KCTD16: variants seen among roughly 807,000 people sequenced by gnomAD.
The protein encoded by KCTD16 is potassium channel tetramerization domain containing 16.
Under a neutral mutation model 33.2 loss-of-function variants are expected in KCTD16, and 13 were observed. That is an observed-to-expected ratio of 0.39 (90% CI 0.25 to 0.62). The LOEUF (loss-of-function observed/expected upper bound fraction) is 0.62. Among genes scored for constraint, KCTD16 ranks in the 20% least tolerant of loss-of-function variants. KCTD16 has a pLI of 0.50. For missense variants in KCTD16, 441 were observed against 525.1 expected, an observed-to-expected ratio of 0.84 and a Z score of 1.57; for synonymous variants, 197 against 195.3, an observed-to-expected ratio of 1.01 and a Z score of -0.07.
At chr5:144,248,429 A>G (rs1754608088) in intron 3 of KCTD16, among the ~76,000 whole-genome samples, 1 of 152,222 alleles carries the variant, frequency 6.6e-6, no homozygotes, top group South Asian at 2.1e-4. Context: ...GTGGACAGTG[A>G]AGCAAGTGAA....
intron 3 of KCTD16, among the ~76,000 whole-genome samples, chr5:144,285,330 T>C (rs1755715342): frequency 6.6e-6 from 1 of 152,204 alleles, no homozygotes; most frequent in Admixed American, 6.5e-5. Flanking sequence ...GTATGCCATA[T>C]AGAGTAGTTG....
intron 3 of KCTD16, among the ~76,000 whole-genome samples, chr5:144,310,205 T>A (rs1468825714): frequency 6.6e-6 from 1 of 152,228 alleles, no homozygotes; most frequent in Non-Finnish European, 1.5e-5. Context: ...TCCAATTCCA[T>A]CCATGTTGCT....
At chr5:144,444,653 C>T (rs1037195784) in intron 3 of KCTD16, among the ~76,000 whole-genome samples, 9 of 151,826 alleles carry the variant, frequency 5.9e-5, no homozygotes, top group East Asian at 3.9e-4. Context: ...ATATTTTCCA[C>T]GTGATACTAC....
chr5:144,410,385 G>T (rs1366973089), intron 3 of KCTD16, among the ~76,000 whole-genome samples: 2 of 152,116 alleles, frequency 1.3e-5, no homozygotes, highest in East Asian at 3.8e-4. Context: ...GTACTGCTTT[G>T]CTATTTCATT....
rs185861584 is a variant in KCTD16 at position 144,217,661 on chromosome 5, G to T, written c.832+10115G>T. Reference sequence around the variant, plus strand: ...TTCTGTAGGCCTGTTCAGTTAAAATGGGTAGAAAATGTCATATCTGTATGC... The same window carrying T: ...TTCTGTAGGCCTGTTCAGTTAAAATTGGTAGAAAATGTCATATCTGTATGC... On this transcript the variant is annotated intron_variant, in intron 3 of 3. Transcript: ENST00000512467. Among the ~76,000 whole-genome samples the T allele has an allele frequency of 1.9e-4, 29 of 152,234 alleles. No homozygotes were observed. In the East Asian group the frequency reaches 4.6e-3, roughly 24 times the overall value.
At chr5:144,353,253 C>T (rs1027421274) in intron 3 of KCTD16, among the ~76,000 whole-genome samples, 30 of 152,282 alleles carry the variant, frequency 2.0e-4, no homozygotes, top group Admixed American at 6.5e-4. Flanking sequence ...TGTGTTGCTG[C>T]TCATTCTTCT....
chr5:144,343,503 A>G (rs2126900895), intron 3 of KCTD16, among the ~76,000 whole-genome samples: 1 of 151,594 alleles, frequency 6.6e-6, no homozygotes, highest in Non-Finnish European at 1.5e-5. Context: ...GCGGTCTATC[A>G]ATTTTGTTGA....
chr5:144,256,581 C>T (rs2126835685), intron 3 of KCTD16, among the ~76,000 whole-genome samples: 1 of 151,018 alleles, frequency 6.6e-6, no homozygotes, highest in East Asian at 1.9e-4. Context: ...AGACTAGTAG[C>T]TGATACCTCC....
At chr5:144,414,478 C>T (rs1320579215) in intron 3 of KCTD16, among the ~76,000 whole-genome samples, 3 of 152,114 alleles carry the variant, frequency 2.0e-5, no homozygotes, top group South Asian at 4.1e-4. Flanking sequence ...CAACTCAAAT[C>T]CTTACTTTAT....
Position 144,475,818 on chromosome 5 carries a change from G to A in KCTD16, c.*1704G>A, listed in dbSNP as rs1262426333. The A allele has an allele frequency of 2.0e-5, 3 of 152,530 alleles. No individual in the cohort carries two copies. The highest frequency in any genetic ancestry group is 4.8e-5 in the African/African-American group (2 of 41,426). The allele number at this position is 152,530 out of a possible 1,614,324, so 9.4% of individuals were successfully genotyped here. The stretch of plus-strand genomic sequence containing the variant: ...TGTTCTGTCTTGATTTCTGTTCTTA[G>A]TGATGATTAGTATATGAATATCTTT... On this transcript the variant is annotated 3_prime_UTR_variant, in exon 4 of 4. Transcript: ENST00000512467.
chr5:144,339,308 G>A (rs1295911225), intron 3 of KCTD16, among the ~76,000 whole-genome samples: 2 of 152,216 alleles, frequency 1.3e-5, no homozygotes, highest in East Asian at 3.8e-4. Context: ...AGGATTGCCT[G>A]TCTCCAAAAT....
chr5:144,411,449 G>T (rs13172419), intron 3 of KCTD16, among the ~76,000 whole-genome samples: 3,030 of 152,154 alleles, frequency 0.02, 49 homozygotes, highest in Middle Eastern at 0.048. Flanking sequence ...CATTCTCTTA[G>T]ATAAATGGTG....
intron 2 of KCTD16, among the ~76,000 whole-genome samples, chr5:144,187,457 CACAT>C (rs1385287203): frequency 3.9e-5 from 6 of 152,000 alleles, no homozygotes; most frequent in African/African-American, 1.5e-4. Context: ...TATACACACA[CACAT>C]ACACACAGGG....
At chr5:144,440,411 C>T (rs1186816433) in intron 3 of KCTD16, among the ~76,000 whole-genome samples, 1 of 152,068 alleles carries the variant, frequency 6.6e-6, no homozygotes, top group Non-Finnish European at 1.5e-5. Flanking sequence ...AAACTGTTTT[C>T]CAAATTGCCA....
At chr5:144,256,400 A>G (rs919116525) in intron 3 of KCTD16, among the ~76,000 whole-genome samples, 2 of 152,144 alleles carry the variant, frequency 1.3e-5, no homozygotes, top group South Asian at 4.1e-4. Flanking sequence ...TTAAAGAAAA[A>G]ATTTGCAAAG....
intron 3 of KCTD16, among the ~76,000 whole-genome samples, chr5:144,417,963 G>C (rs748734041): frequency 2.6e-5 from 4 of 152,120 alleles, no homozygotes; most frequent in African/African-American, 4.8e-5. Flanking sequence ...TCCGGAGTTT[G>C]TTCCTTCTGA....
intron 3 of KCTD16, among the ~76,000 whole-genome samples, chr5:144,373,993 C>A (rs1216454277): frequency 6.6e-6 from 1 of 152,224 alleles, no homozygotes; most frequent in Non-Finnish European, 1.5e-5. Flanking sequence ...GTCACCACAT[C>A]AAGTTCTCCC....
chr5:144,252,957 A>T (rs1439063428), intron 3 of KCTD16, among the ~76,000 whole-genome samples: 3 of 151,106 alleles, frequency 2.0e-5, no homozygotes, highest in Admixed American at 6.6e-5. Context: ...GATTGCTTTA[A>T]AATCAGTAGC....
intron 3 of KCTD16, among the ~76,000 whole-genome samples, chr5:144,370,188 G>A (rs949014954): frequency 1.3e-5 from 2 of 152,046 alleles, no homozygotes; most frequent in African/African-American, 4.8e-5. Flanking sequence ...GATCCCCTGA[G>A]GAATAAAATG....
Sources: gnomAD v4.1 joint callset for allele counts (sites outside exome capture counted in the v4.1 genomes callset) on GRCh38, gnomAD v4.1.1 for gene constraint, MANE v1.5 for transcripts, NCBI Gene and HGNC (gene_info 2026-07-23, HGNC 2026-07-21) for gene names.